Variants in SLC17A3 observed in about 807,000 individuals in gnomAD.
The protein encoded by SLC17A3 is sodium-dependent phosphate transport protein 4.
Under a neutral mutation model 60.3 loss-of-function variants are expected in SLC17A3, and 61 were observed. The ratio of observed to expected loss-of-function variants is 1.01; its 90% CI spans 0.82 to 1.25. SLC17A3 has a LOEUF of 1.25. Among genes scored for constraint, SLC17A3 ranks in the 50% most tolerant of loss-of-function variants. The probability of loss-of-function intolerance (pLI) is 0.00; values close to 1 mark genes in which losing one functional copy is unlikely to be tolerated. For synonymous variants in SLC17A3, 192 were observed against 208.9 expected (o/e 0.92, Z 0.70); for missense variants, 624 against 594.9 (o/e 1.05, Z -0.51).
At chr6:25,851,342 T>C (rs1474176298) in intron 6 of SLC17A3, among the ~76,000 whole-genome samples, 1 of 152,068 alleles carries the variant, frequency 6.6e-6, no homozygotes, top group Non-Finnish European at 1.5e-5. Context: ...TATTTTCTCC[T>C]GGGATCAGCA....
At chr6:25,857,772 C>T (rs1198479486) in intron 5 of SLC17A3, among the ~76,000 whole-genome samples, 1 of 152,182 alleles carries the variant, frequency 6.6e-6, no homozygotes. Context: ...TTTTCTACCA[C>T]TAAGTCCACC....
Position 25,862,424 on chromosome 6 carries a change from G to C in SLC17A3, c.112C>G (p.Arg38Gly). 6.2e-7 allele frequency: 1 copy of C among 1,613,182 alleles called. No individual in the cohort carries two copies. The highest frequency in any genetic ancestry group is 8.5e-7 in the Non-Finnish European group (1 of 1,179,272). ...PRKVPSLCSA[R>G]YGIALVLHFC... ...TGTAAGACGAGGGCTATTCCATAGC[G>C]AGCAGAACATAAACTTGGAACTGGA... Residue 38 changes from arginine (R) to glycine (G), a missense_variant, in exon 3 of 13, where the codon CGC (arginine) becomes GGC (glycine). By Grantham distance (125) the Arg-to-Gly change is moderately radical (BLOSUM62 -2). Coordinates refer to ENST00000397060, the MANE Select transcript of SLC17A3 (RefSeq NM_001098486.2).
chr6:25,849,326 G>A (rs1765229652), intron 11 of SLC17A3, 48 bp downstream of exon 11: 1 of 1,046,492 alleles, frequency 9.6e-7, no homozygotes, highest in Admixed American at 1.7e-5. Context: ...CTTTATAAGT[G>A]GATTTAGCAG....
chr6:25,864,136 C>A lies in SLC17A3; in HGVS notation c.92-1692G>T, dbSNP rs1053709358. Among the ~76,000 whole-genome samples the A allele has an allele frequency of 1.7e-4, 26 of 151,904 alleles. 2 individuals carry two copies. Among genetic ancestry groups the A allele is most frequent in the Admixed American group, 1.5e-3 (23 of 15,250 alleles). On this transcript the variant is annotated intron_variant, in intron 2 of 12. Coordinates refer to ENST00000397060, the MANE Select transcript of SLC17A3 (RefSeq NM_001098486.2). ...CACCCCTGGAGCTGGTTGGAGAGCG[C>A]CTGGTATGTTCAAAGAATCAAAAAG...
rs561608982 is a variant in SLC17A3, at chr6:25,850,250, C to T, written c.994-73G>A. 118 of 1,479,200 alleles carry T rather than the reference C, an allele frequency of 8.0e-5. 1 individual carries two copies. Among genetic ancestry groups the T allele is most frequent in the African/African-American group, 1.4e-5 (1 of 71,402 alleles). The allele number at this position is 1,479,200 out of a possible 1,614,324, so 91.6% of individuals were successfully genotyped here. On this transcript the variant is annotated intron_variant, in intron 8 of 12. Coordinates refer to ENST00000397060, the MANE Select transcript of SLC17A3 (RefSeq NM_001098486.2). Reference sequence around the variant, plus strand: ...CACAACTTTTGTTGATAAATTACTACTAATAATAATGACATTCTGAAATCA... The same window carrying T: ...CACAACTTTTGTTGATAAATTACTATTAATAATAATGACATTCTGAAATCA...
intron 1 of SLC17A3, among the ~76,000 whole-genome samples, chr6:25,871,602 C>T (rs886904613): frequency 3.3e-5 from 5 of 151,718 alleles, no homozygotes; most frequent in Non-Finnish European, 7.4e-5. Flanking sequence ...CAAACCTGCA[C>T]ATTGTGCACA....
At chr6:25,849,305 C>T in intron 11 of SLC17A3, 69 bp downstream of exon 11, 2 of 889,702 alleles carry the variant, frequency 2.2e-6, no homozygotes, top group Non-Finnish European at 3.8e-6. Flanking sequence ...TCTTTGAATA[C>T]ATGCTATCAC....
intron 2 of SLC17A3, among the ~76,000 whole-genome samples, chr6:25,866,852 C>T (rs1477096071): frequency 6.6e-6 from 1 of 151,864 alleles, no homozygotes; most frequent in African/African-American, 2.4e-5. Context: ...TAATTGGTTA[C>T]ATAAGTGGAA....
chr6:25,850,057 T>G lies in SLC17A3; in HGVS notation c.1114A>C (p.Thr372Pro). 6.2e-7 allele frequency: 1 copy of G among 1,613,998 alleles called. No individual in the cohort carries two copies. Among genetic ancestry groups the G allele is most frequent in the Non-Finnish European group, 8.5e-7 (1 of 1,179,868 alleles). Residue 372 changes from threonine to proline, a missense_variant, in exon 9 of 13, where the codon ACA becomes CCA. Physicochemically the swap from Thr to Pro is conservative, Grantham distance 38. Transcript: ENST00000397060. Reference protein sequence around the residue: ...FRLITVRKIATILGSLPSSAL... With the variant: ...FRLITVRKIAPILGSLPSSAL... The stretch of plus-strand genomic sequence containing the variant: ...CAAGCTCTGTTCTTACCTAAAATTG[T>G]GGCAATTTTCCTCACAGTGATGAGT...
chr6:25,859,467 G>A (rs1765412200), intron 5 of SLC17A3, among the ~76,000 whole-genome samples: 1 of 152,128 alleles, frequency 6.6e-6, no homozygotes, highest in South Asian at 2.1e-4. Context: ...CCCCTAAAAA[G>A]CCTGTTTAAC....
chr6:25,866,089 A>G (rs769810401), intron 2 of SLC17A3, among the ~76,000 whole-genome samples: 5 of 151,940 alleles, frequency 3.3e-5, no homozygotes, highest in Non-Finnish European at 7.4e-5. Flanking sequence ...CTTCCCTTGT[A>G]TGGGGCCAGG....
At chr6:25,863,457 C>G (rs1368239405) in intron 2 of SLC17A3, among the ~76,000 whole-genome samples, 1 of 152,100 alleles carries the variant, frequency 6.6e-6, no homozygotes, top group Non-Finnish European at 1.5e-5. Context: ...TACACAAGGA[C>G]TTCAGGCAGA....
chr6:25,855,518 T>C (rs1473983900), intron 5 of SLC17A3, among the ~76,000 whole-genome samples: 1 of 152,222 alleles, frequency 6.6e-6, no homozygotes, highest in Non-Finnish European at 1.5e-5. Context: ...AGTAAACTAC[T>C]ACAAGGAGCC....
chr6:25,862,783 A>G (rs1023579117), intron 2 of SLC17A3, among the ~76,000 whole-genome samples: 5 of 150,762 alleles, frequency 3.3e-5, no homozygotes, highest in African/African-American at 1.2e-4. Flanking sequence ...TATGTAACAC[A>G]TATATATGAA....
chr6:25,855,099 T>A (rs1409918990), intron 6 of SLC17A3, 45 bp downstream of exon 6: 1 of 1,208,062 alleles, frequency 8.3e-7, no homozygotes, highest in Admixed American at 1.7e-5. Context: ...CTGAGGAGAA[T>A]CTTTCTGCAT....
At chr6:25,845,763 A>G (rs1344016165) in intron 11 of SLC17A3, among the ~76,000 whole-genome samples, 1 of 152,142 alleles carries the variant, frequency 6.6e-6, no homozygotes, top group Non-Finnish European at 1.5e-5. Context: ...AGTGCCATAC[A>G]TTTTCTCTTT....
At chr6:25,849,238 T>G in intron 11 of SLC17A3, 136 bp downstream of exon 11, 1 of 674,956 alleles carries the variant, frequency 1.5e-6, no homozygotes, top group Non-Finnish European at 2.7e-6. Context: ...TTCTATATTT[T>G]TCTTTAGCAG....
intron 2 of SLC17A3, among the ~76,000 whole-genome samples, chr6:25,866,259 G>T (rs1157756698): frequency 6.6e-6 from 1 of 151,946 alleles, no homozygotes; most frequent in Non-Finnish European, 1.5e-5. Flanking sequence ...AACCTAACAC[G>T]ATAAGGAACC....
chr6:25,848,820 A>G (rs922784646), intron 11 of SLC17A3, among the ~76,000 whole-genome samples: 2 of 152,208 alleles, frequency 1.3e-5, no homozygotes, highest in African/African-American at 2.4e-5. Context: ...ACAGGCTGGG[A>G]GAAAATTTTC....
Sources: gnomAD v4.1 joint callset for allele counts (sites outside exome capture counted in the v4.1 genomes callset) on GRCh38, gnomAD v4.1.1 for gene constraint, MANE v1.5 for transcripts, NCBI Gene and HGNC (gene_info 2026-07-23, HGNC 2026-07-21) for gene names.